Variants in ATRNL1 observed in about 807,000 individuals in gnomAD.
The protein encoded by ATRNL1 is attractin like 1, also known as attractin-like protein 1.
Under a neutral mutation model 182.7 loss-of-function variants are expected in ATRNL1, and 95 were observed. The observed-to-expected ratio is 0.52, with a 90% CI of 0.44 to 0.62. The LOEUF is 0.62. Among genes scored for constraint, ATRNL1 ranks in the 20% least tolerant of loss-of-function variants. The probability of loss-of-function intolerance (pLI) is 0.00; values close to 1 mark genes in which losing one functional copy is unlikely to be tolerated. For synonymous variants in ATRNL1, 576 were observed against 568.3 expected (o/e 1.01, Z -0.19); for missense variants, 1,471 against 1,679.5 (o/e 0.88, Z 2.17).
chr10:115,824,267 A>G (rs1469968870), intron 27 of ATRNL1, among the ~76,000 whole-genome samples: 2 of 152,234 alleles, frequency 1.3e-5, no homozygotes, highest in East Asian at 3.8e-4. Flanking sequence ...CACCTTATAC[A>G]GAAATTAACT....
chr10:115,515,697 G>C (rs1823093743), intron 24 of ATRNL1, among the ~76,000 whole-genome samples: 1 of 151,630 alleles, frequency 6.6e-6, no homozygotes, highest in Admixed American at 6.6e-5. Context: ...CCTGTAGTTT[G>C]TTTCTACTTT....
chr10:115,101,866 A>G (rs777745722), intron 1 of ATRNL1, among the ~76,000 whole-genome samples: 29 of 152,320 alleles, frequency 1.9e-4, no homozygotes, highest in East Asian at 1.9e-4. Flanking sequence ...ATATACATTC[A>G]ACTTATTTAA....
chr10:115,205,398 CTAAT>C (rs1280548569), intron 8 of ATRNL1, among the ~76,000 whole-genome samples: 1 of 151,808 alleles, frequency 6.6e-6, no homozygotes. Context: ...TTTTTGCCCT[CTAAT>C]TATTCTATTA....
At chr10:115,637,627 TTATTA>T (rs1858968822) in intron 26 of ATRNL1, among the ~76,000 whole-genome samples, 1 of 147,962 alleles carries the variant, frequency 6.8e-6, no homozygotes, top group Non-Finnish European at 1.5e-5. Flanking sequence ...ATTATTATTA[TTATTA>T]TTATTATTTT....
intron 17 of ATRNL1, among the ~76,000 whole-genome samples, chr10:115,313,290 C>A (rs1207770367): frequency 6.6e-6 from 1 of 151,866 alleles, no homozygotes; most frequent in African/African-American, 2.4e-5. Flanking sequence ...ATTTTTGATT[C>A]AACTGTGCTT....
intron 25 of ATRNL1, among the ~76,000 whole-genome samples, chr10:115,548,488 C>A (rs1228138555): frequency 1.3e-5 from 2 of 152,076 alleles, no homozygotes; most frequent in African/African-American, 4.8e-5. Context: ...CAGTGACCAG[C>A]GAATTTGTAG....
intron 5 of ATRNL1, among the ~76,000 whole-genome samples, chr10:115,131,228 ATG>A (rs1212889821): frequency 4.0e-5 from 6 of 151,602 alleles, no homozygotes. Flanking sequence ...GTGTGTGTGT[ATG>A]TGTGTGTGTA....
chr10:115,918,290 A>T (rs1194247347), intron 28 of ATRNL1, among the ~76,000 whole-genome samples: 1 of 151,958 alleles, frequency 6.6e-6, no homozygotes, highest in Non-Finnish European at 1.5e-5. Flanking sequence ...TGTAGTAGAG[A>T]CGGGGTTTCA....
At chr10:115,311,226 G>A (rs1854008380) in intron 17 of ATRNL1, among the ~76,000 whole-genome samples, 1 of 126,540 alleles carries the variant, frequency 7.9e-6, no homozygotes, top group Non-Finnish European at 1.6e-5. Flanking sequence ...GTCTCCCTCT[G>A]TGGCCCAGGC....
chr10:115,491,524 C>T lies in ATRNL1; in HGVS notation c.3654+22195C>T, dbSNP rs367929063. On this transcript the variant is annotated intron_variant, in intron 24 of 28. Transcript: ENST00000355044. ...AGTGGGCTCAGCTCTGTTTGAACTT[C>T]CCAGTGGCTTTGTTTACACTGTGAG... 3.3e-5 allele frequency among the ~76,000 whole-genome samples: 5 copies of T among 152,204 alleles called. 1 individual carries two copies. Among genetic ancestry groups the T allele is most frequent in the African/African-American group, 1.2e-4 (5 of 41,544 alleles).
chr10:115,329,549 A>G (rs553470240), intron 18 of ATRNL1, among the ~76,000 whole-genome samples: 110 of 152,126 alleles, frequency 7.2e-4, no homozygotes, highest in African/African-American at 2.6e-3. Context: ...TTTGCTTTCT[A>G]TATTAAGTTA....
chr10:115,395,059 C>A (rs1395668445), intron 20 of ATRNL1, among the ~76,000 whole-genome samples: 1 of 151,814 alleles, frequency 6.6e-6, no homozygotes, highest in African/African-American at 2.4e-5. Context: ...GTCTGTTGTT[C>A]CCATCTTTGT....
intron 26 of ATRNL1, among the ~76,000 whole-genome samples, chr10:115,572,714 C>T (rs1307862221): frequency 1.3e-5 from 2 of 152,210 alleles, no homozygotes; most frequent in Non-Finnish European, 2.9e-5. Context: ...TGGGCTGAAT[C>T]TATAAGTTTC....
chr10:115,369,846 C>G (rs1372344809), intron 19 of ATRNL1, among the ~76,000 whole-genome samples: 3 of 152,068 alleles, frequency 2.0e-5, no homozygotes, highest in Non-Finnish European at 4.4e-5. Flanking sequence ...ATATCTTTTC[C>G]TATATTTATT....
rs2084925832 is a variant in ATRNL1, at chr10:115,093,418, G to GGTCGGGTCCCCTCCTCCTC, written c.-333_-332insGTCGGGTCCCCTCCTCCTC. The GGTCGGGTCCCCTCCTCCTC allele has an allele frequency of 2.7e-5, 8 of 294,496 alleles. No individual in the cohort carries two copies. The East Asian group carries it at 4.0e-4, about 15-fold the overall frequency. The allele number at this position is 294,496 out of a possible 1,614,324, so 18.2% of individuals were successfully genotyped here. ...GCCGCGCGCGGGGTCCCCTCCTCCT[G>GGTCGGGTCCCCTCCTCCTC]CCGGTCAGGTCCCCTCAGGAGCGCC... is the stretch of plus-strand genomic sequence containing the variant. On this transcript the variant is annotated 5_prime_UTR_variant, in exon 1 of 29. Transcript: ENST00000355044. This position sits in a 1 kb window ranked among gnomAD's most constrained non-coding sequence, Gnocchi z 6.1.
chr10:115,662,611 G>C (rs968090656), intron 26 of ATRNL1, among the ~76,000 whole-genome samples: 2 of 151,786 alleles, frequency 1.3e-5, no homozygotes, highest in Admixed American at 6.6e-5. Context: ...GAGAATTTTT[G>C]GTAAAATGCT....
intron 26 of ATRNL1, among the ~76,000 whole-genome samples, chr10:115,622,883 C>T (rs542039708): frequency 2.0e-5 from 3 of 151,900 alleles, no homozygotes; most frequent in South Asian, 2.1e-4. Flanking sequence ...GCCGAGATCG[C>T]GCCACTCCAC....
chr10:115,216,017 A>G (rs1849216571), intron 9 of ATRNL1, 137 bp downstream of exon 9: 1 of 625,914 alleles, frequency 1.6e-6, no homozygotes, highest in African/African-American at 1.9e-5. Context: ...ATTTCAGATG[A>G]GTAATTTTGT....
intron 8 of ATRNL1, among the ~76,000 whole-genome samples, chr10:115,196,865 T>C (rs1564812618): frequency 6.6e-6 from 1 of 152,170 alleles, no homozygotes; most frequent in Non-Finnish European, 1.5e-5. Flanking sequence ...TGTTTTACTC[T>C]TTCTTTTTCA....
Sources: gnomAD v4.1 joint callset for allele counts (sites outside exome capture counted in the v4.1 genomes callset) on GRCh38, gnomAD v4.1.1 for gene constraint, Gnocchi (gnomAD v3.1) non-coding constraint, MANE v1.5 for transcripts, NCBI Gene and HGNC (gene_info 2026-07-23, HGNC 2026-07-21) for gene names.